Variants in SRBD1 observed in about 807,000 individuals in gnomAD.
SRBD1 encodes S1 RNA-binding domain-containing protein 1.
SRBD1 carries 88 observed loss-of-function variants against 115.3 expected under a neutral mutation model. The ratio of observed to expected loss-of-function variants is 0.76; its 90% confidence interval spans 0.64 to 0.91. The LOEUF is 0.91. Among genes scored for constraint, SRBD1 ranks in the 40% least tolerant of loss-of-function variants. The pLI is 0.00. For missense variants in SRBD1, 1,385 were observed against 1,177.4 expected, an observed-to-expected ratio of 1.18 and a Z score of -2.58; for synonymous variants, 509 against 407.7, an observed-to-expected ratio of 1.25 and a Z score of -2.99.
In SRBD1 at chr2:45,585,777, G is replaced by A. The variant is rs1356077076; in HGVS notation, c.649-3C>T. On this transcript the variant is annotated splice_region_variant and splice_polypyrimidine_tract_variant and intron_variant, in intron 4 of 20. Transcript: ENST00000263736. ...ATATTAGTTCTCTCAGATAAAACCT[G>A]CAAATTAAAGATACTTAGTGATTTA... The A allele has an allele frequency of 1.3e-6, 2 of 1,578,566 alleles. No individual in the cohort carries two copies. The highest frequency in any genetic ancestry group is 1.9e-5 in the Admixed American group (1 of 51,698).
chr2:45,562,582 G>C, intron 10 of SRBD1, 71 bp downstream of exon 10: 2 of 1,240,326 alleles, frequency 1.6e-6, no homozygotes, highest in Non-Finnish European at 2.3e-6. Context: ...TTACATATCA[G>C]TACATATAGA....
At chr2:45,572,661 C>G (rs566938859) in intron 9 of SRBD1, among the ~76,000 whole-genome samples, 77 of 152,096 alleles carry the variant, frequency 5.1e-4, no homozygotes, top group Admixed American at 3.7e-3. Context: ...TAAATATAAA[C>G]GCCAGTGTTA....
chr2:45,608,988 G>A (rs1271141399), intron 1 of SRBD1, among the ~76,000 whole-genome samples: 1 of 151,826 alleles, frequency 6.6e-6, no homozygotes, highest in Non-Finnish European at 1.5e-5. Flanking sequence ...TTCTATTTTT[G>A]ATAGAGACGG....
chr2:45,541,883 C>G (rs933575202), intron 14 of SRBD1, among the ~76,000 whole-genome samples: 2 of 152,230 alleles, frequency 1.3e-5, no homozygotes, highest in Non-Finnish European at 2.9e-5. Context: ...CTGATTGGTC[C>G]ATGGGCAGCC....
At chr2:45,490,412 A>C (rs1670257619) in intron 14 of SRBD1, among the ~76,000 whole-genome samples, 1 of 152,182 alleles carries the variant, frequency 6.6e-6, no homozygotes, top group Non-Finnish European at 1.5e-5. Flanking sequence ...GTTAAGAAAC[A>C]CTACTACAGG....
chr2:45,483,216 T>C (rs1168997173), intron 15 of SRBD1, among the ~76,000 whole-genome samples: 2 of 152,120 alleles, frequency 1.3e-5, no homozygotes, highest in African/African-American at 2.4e-5. Context: ...TTTTAGGTTT[T>C]TTAATAAATG....
chr2:45,425,204 C>T (rs777278318), intron 16 of SRBD1, among the ~76,000 whole-genome samples: 10 of 152,060 alleles, frequency 6.6e-5, no homozygotes, highest in South Asian at 4.1e-4. Context: ...CAAAGTCAAG[C>T]GGCAAGACTG....
chr2:45,492,699 A>G (rs1670336432), intron 14 of SRBD1, among the ~76,000 whole-genome samples: 2 of 152,130 alleles, frequency 1.3e-5, no homozygotes. Context: ...TCGGCCTCCC[A>G]AAGTGCTGGG....
At chr2:45,418,245 A>T in intron 18 of SRBD1, 120 bp downstream of exon 18, 2 of 1,165,452 alleles carry the variant, frequency 1.7e-6, no homozygotes, top group Non-Finnish European at 1.2e-6. Context: ...CTCAACACTT[A>T]ACTGAATGAA....
At chr2:45,447,346 C>T (rs749170648) in intron 16 of SRBD1, 2 of 152,374 alleles carry the variant, frequency 1.3e-5, no homozygotes, top group Non-Finnish European at 2.9e-5. Context: ...ACTTGGGAGG[C>T]TGAGGCAGGA....
intron 14 of SRBD1, among the ~76,000 whole-genome samples, chr2:45,489,934 G>A (rs1196340919): frequency 6.6e-6 from 1 of 152,112 alleles, no homozygotes; most frequent in Non-Finnish European, 1.5e-5. Context: ...AGATCTAGAA[G>A]AACTCGTATC....
chr2:45,419,988 C>T, intron 16 of SRBD1, 94 bp from the exon 17 acceptor site: 1 of 1,101,860 alleles, frequency 9.1e-7, no homozygotes. Flanking sequence ...TTAGCTAACA[C>T]ACACCATGGT....
intron 9 of SRBD1, among the ~76,000 whole-genome samples, chr2:45,563,218 C>G (rs539317996): frequency 1.3e-5 from 2 of 152,182 alleles, no homozygotes; most frequent in African/African-American, 2.4e-5. Context: ...AATATATTAT[C>G]TCAAGTAATC....
chr2:45,541,995 G>C lies in SRBD1; in HGVS notation c.1874+4737C>G, dbSNP rs1195243594. 2.6e-5 allele frequency among the ~76,000 whole-genome samples: 4 copies of C among 152,358 alleles called. No homozygotes were observed. The East Asian group carries it at 5.8e-4, about 22-fold the overall frequency. On this transcript the variant is annotated intron_variant, in intron 14 of 20. Transcript: ENST00000263736. ...CCAGACTTCACGTAGGCCCTGGCTT[G>C]GAGGTGGGGGTTTCACTGAGACCTG...
chr2:45,524,679 T>C (rs200062514), intron 14 of SRBD1, among the ~76,000 whole-genome samples: 83 of 152,156 alleles, frequency 5.5e-4, no homozygotes, highest in East Asian at 3.3e-3. Flanking sequence ...CAAATGCTTA[T>C]GGATTTAAAG....
chr2:45,421,855 G>A (rs923101636), intron 16 of SRBD1, among the ~76,000 whole-genome samples: 4 of 152,056 alleles, frequency 2.6e-5, no homozygotes, highest in Admixed American at 2.0e-4. Context: ...TAGCCAGGCC[G>A]CAGCTAAAAA....
Position 45,406,235 on chromosome 2 carries a change from G to A in SRBD1, c.2513+6879C>T, listed in dbSNP as rs116258558. On this transcript the variant is annotated intron_variant, in intron 19 of 20. Transcript: ENST00000263736. ...AAGGAAAGAGAATCAAGACATGGAG[G>A]AGCAGTGTAGGGAAGGATGGGGCAG... is the stretch of plus-strand genomic sequence containing the variant. Among the ~76,000 whole-genome samples the A allele has an allele frequency of 3.3e-3, 507 of 152,246 alleles. 3 individuals are homozygous for A. The highest frequency in any genetic ancestry group is 0.011 in the African/African-American group (470 of 41,558).
At chr2:45,454,556 T>A (rs145766460) in intron 16 of SRBD1, among the ~76,000 whole-genome samples, 51 of 151,954 alleles carry the variant, frequency 3.4e-4, no homozygotes, top group African/African-American at 8.9e-4. Context: ...GTCCAACAAA[T>A]ATCAGCAGTT....
chr2:45,543,884 C>A lies in SRBD1; in HGVS notation c.1874+2848G>T, dbSNP rs193067805. ...TTAACCACACGGGTAGATTTTAAAA[C>A]CCAAATAATTATAGCAGAAAGGAGA... On this transcript the variant is annotated intron_variant, in intron 14 of 20. Transcript: ENST00000263736. Among the ~76,000 whole-genome samples the A allele has an allele frequency of 4.6e-5, 7 of 152,080 alleles. No homozygotes were observed. The South Asian group carries it at 1.2e-3, about 27-fold the overall frequency.
Sources: gnomAD v4.1 joint callset for allele counts (sites outside exome capture counted in the v4.1 genomes callset) on GRCh38, gnomAD v4.1.1 for gene constraint, MANE v1.5 for transcripts, NCBI Gene and HGNC (gene_info 2026-07-23, HGNC 2026-07-21) for gene names.